AK3: variants seen among roughly 807,000 people sequenced by gnomAD.
AK3 encodes the protein adenylate kinase 3.
In AK3, 27 loss-of-function variants were observed where a neutral mutation model predicts 23.7. The observed-to-expected ratio is 1.14, with a 90% confidence interval of 0.84 to 1.57. The LOEUF is 1.57. Among genes scored for constraint, AK3 ranks in the 40% most tolerant of loss-of-function variants. The probability of loss-of-function intolerance (pLI) is 0.00; values close to 1 mark genes in which losing one functional copy is unlikely to be tolerated. For synonymous variants in AK3, 159 were observed against 116.0 expected (o/e 1.37, Z -2.38); for missense variants, 406 against 285.6 (o/e 1.42, Z -3.04).
At chr9:4,727,841 C>T (rs1350978576) in intron 1 of AK3, among the ~76,000 whole-genome samples, 1 of 152,154 alleles carries the variant, frequency 6.6e-6, no homozygotes, top group Non-Finnish European at 1.5e-5. Flanking sequence ...CCACTCTCTT[C>T]CTTTAACTTG....
intron 1 of AK3, among the ~76,000 whole-genome samples, chr9:4,738,761 C>CTTT (rs35812152): frequency 6.9e-4 from 52 of 75,074 alleles, no homozygotes; most frequent in Non-Finnish European, 8.4e-4. Flanking sequence ...ATATGCTTTA[C>CTTT]TTTTTTTTTT....
rs1841549096 is a variant in AK3, at chr9:4,711,087, G to C, written c.*1889C>G. ...CACTTTGATTTCCAAATCCCCTAAGGGTATTATGAAGGCCGGTATGGCTAC... is the reference window on the plus strand; with the variant it reads ...CACTTTGATTTCCAAATCCCCTAAGCGTATTATGAAGGCCGGTATGGCTAC... On this transcript the variant is annotated 3_prime_UTR_variant, in exon 5 of 5. Coordinates refer to ENST00000381809, the MANE Select transcript of AK3 (RefSeq NM_016282.4). The C allele has an allele frequency of 6.6e-6, 1 of 152,078 alleles. No individual in the cohort carries two copies. Among genetic ancestry groups the C allele is most frequent in the Non-Finnish European group, 1.5e-5 (1 of 68,008 alleles). 9.4% of individuals were successfully genotyped at this position (152,078 alleles called of 1,614,324 possible). A position where few individuals can be genotyped will look rare whatever the true frequency, so the allele number is the denominator to read the frequency against.
chr9:4,739,264 C>T (rs866860595), intron 1 of AK3, among the ~76,000 whole-genome samples: 26 of 151,802 alleles, frequency 1.7e-4, no homozygotes, highest in African/African-American at 5.6e-4. Context: ...AATCTCGACT[C>T]ACAGCAACCT....
At chr9:4,719,487 T>G (rs1298666669) in intron 2 of AK3, among the ~76,000 whole-genome samples, 180 bp from the exon 3 acceptor site, 1 of 152,136 alleles carries the variant, frequency 6.6e-6, no homozygotes, top group East Asian at 1.9e-4. Flanking sequence ...TGGTTACCTG[T>G]CAACTTGACT....
Position 4,711,475 on chromosome 9 carries a change from C to T in AK3, c.*1501G>A, listed in dbSNP as rs1389033736. Reference sequence around the variant, plus strand: ...AAAACCTTGGTTCATCTTGAAAGATCGATGAATTTTTTAAATATCAGAAGA... The same window carrying T: ...AAAACCTTGGTTCATCTTGAAAGATTGATGAATTTTTTAAATATCAGAAGA... On this transcript the variant is annotated 3_prime_UTR_variant, in exon 5 of 5. Coordinates refer to ENST00000381809, the MANE Select transcript of AK3 (RefSeq NM_016282.4). 6.6e-6 allele frequency: 1 copy of T among 152,388 alleles called. No homozygotes were observed. Among genetic ancestry groups the T allele is most frequent in the Non-Finnish European group, 1.5e-5 (1 of 68,000 alleles). The allele number at this position is 152,388 out of a possible 1,614,324, so 9.4% of individuals were successfully genotyped here. A position where few individuals can be genotyped will look rare whatever the true frequency, so the allele number is the denominator to read the frequency against.
rs1227953622 is a variant in AK3 at position 4,711,882 on chromosome 9, C to T, written c.*1094G>A. ...ACAAAGAACTCCTTCAGGAAACTCA[C>T]TTTCCTGGTCCTTGTTAACCTATCA... On this transcript the variant is annotated 3_prime_UTR_variant, in exon 5 of 5. Transcript: ENST00000381809. The T allele has an allele frequency of 2.0e-5, 3 of 152,170 alleles. No homozygotes were observed. The East Asian group carries it at 5.8e-4, about 29-fold the overall frequency. 9.4% of individuals were successfully genotyped at this position (152,170 alleles called of 1,614,324 possible). A position where few individuals can be genotyped will look rare whatever the true frequency, so the allele number is the denominator to read the frequency against.
intron 1 of AK3, among the ~76,000 whole-genome samples, chr9:4,733,224 C>T (rs1842195181): frequency 6.6e-6 from 1 of 152,042 alleles, no homozygotes; most frequent in Non-Finnish European, 1.5e-5. Context: ...CTTTTAGCAT[C>T]ATTATAAATG....
chr9:4,733,777 T>G (rs12347371), intron 1 of AK3, among the ~76,000 whole-genome samples: 2,230 of 152,232 alleles, frequency 0.015, 57 homozygotes, highest in African/African-American at 0.051. Flanking sequence ...CACTTCACCC[T>G]GAAACCACAC....
chr9:4,713,231 AG>A, intron 4 of AK3, 135 bp from the exon 5 acceptor site: 1 of 1,191,192 alleles, frequency 8.4e-7, no homozygotes, highest in African/African-American at 1.5e-5. Context: ...TAATCAGGAG[AG>A]AAAGGCACTT....
At chr9:4,716,153 T>C (rs1347001046) in intron 4 of AK3, among the ~76,000 whole-genome samples, 2 of 152,220 alleles carry the variant, frequency 1.3e-5, no homozygotes, top group Non-Finnish European at 2.9e-5. Flanking sequence ...TTCAGTTACA[T>C]TACCAATAAA....
At chr9:4,738,737 T>C (rs1178907558) in intron 1 of AK3, among the ~76,000 whole-genome samples, 2 of 151,310 alleles carry the variant, frequency 1.3e-5, no homozygotes, top group African/African-American at 4.8e-5. Context: ...TATAGTTTCC[T>C]TCTTTTATAA....
rs1841505008 is a variant in AK3 at position 4,709,866 on chromosome 9, T to C, written c.*3110A>G. 6.6e-6 allele frequency: 1 copy of C among 152,190 alleles called. No individual in the cohort carries two copies. The highest frequency in any genetic ancestry group is 6.5e-5 in the Admixed American group (1 of 15,282). The allele number at this position is 152,190 out of a possible 1,614,324, so 9.4% of individuals were successfully genotyped here. ...GTCAATGAGAAGACACAACATATTC[T>C]AAAATACAAATTCTTGCTGTTGGTT... On this transcript the variant is annotated 3_prime_UTR_variant, in exon 5 of 5. Transcript: ENST00000381809.
At chr9:4,718,694 C>A (rs1019696544) in intron 3 of AK3, among the ~76,000 whole-genome samples, 157 bp from the exon 4 acceptor site, 1 of 152,234 alleles carries the variant, frequency 6.6e-6, no homozygotes, top group Non-Finnish European at 1.5e-5. Context: ...CAAAAGAGAT[C>A]ATCGCAACAG....
rs773499606 is a variant in AK3, at chr9:4,719,119, CACA to C, written c.444+13_444+15del. ...GGGACAGTCTGCTATGTGACAGTTC[CACA>C]ACAACTACTCACCACAGTTTTGGGA... On this transcript the variant is annotated intron_variant, in intron 3 of 4. Coordinates refer to ENST00000381809, the MANE Select transcript of AK3 (RefSeq NM_016282.4). 10 of 1,611,464 alleles carry C rather than the reference CACA, an allele frequency of 6.2e-6. No individual in the cohort carries two copies. In the African/African-American group the frequency reaches 1.2e-4, roughly 19 times the overall value.
intron 2 of AK3, among the ~76,000 whole-genome samples, 158 bp from the exon 3 acceptor site, chr9:4,719,465 G>A (rs1241355792): frequency 6.6e-6 from 1 of 152,162 alleles, no homozygotes. Context: ...CACAGCTGCG[G>A]TGCAACTGTG....
intron 2 of AK3, 53 bp downstream of exon 2, chr9:4,722,453 C>A: frequency 1.2e-6 from 2 of 1,611,472 alleles, no homozygotes; most frequent in Admixed American, 1.7e-5. Flanking sequence ...GCTCATTCTC[C>A]TGCCAGCACT....
At chr9:4,725,782 C>T (rs1161828355) in intron 1 of AK3, among the ~76,000 whole-genome samples, 3 of 152,112 alleles carry the variant, frequency 2.0e-5, no homozygotes. Flanking sequence ...ATTTCTTCAA[C>T]GATATACAAA....
chr9:4,732,892 A>C (rs1299736367), intron 1 of AK3, among the ~76,000 whole-genome samples: 2 of 149,424 alleles, frequency 1.3e-5, no homozygotes, highest in African/African-American at 4.9e-5. Context: ...TTTTCCAAAG[A>C]GCCAATGCAG....
intron 4 of AK3, among the ~76,000 whole-genome samples, chr9:4,717,208 C>T (rs1303067643): frequency 1.3e-5 from 2 of 152,042 alleles, no homozygotes; most frequent in African/African-American, 4.8e-5. Context: ...CTGTGTTCTG[C>T]CCAAGATACT....
Sources: allele counts gnomAD v4.1 joint callset (sites outside exome capture counted in the v4.1 genomes callset), GRCh38; gene constraint gnomAD v4.1.1; transcripts MANE v1.5; gene names NCBI Gene and HGNC (gene_info 2026-07-23, HGNC 2026-07-21).